TRPM3: variants seen among roughly 807,000 people sequenced by gnomAD.
The protein encoded by TRPM3 is transient receptor potential cation channel subfamily M member 3.
Under a neutral mutation model 181.2 loss-of-function variants are expected in TRPM3, and 77 were observed. The observed-to-expected ratio is 0.42, with a 90% CI of 0.35 to 0.51. TRPM3 has a LOEUF of 0.51. Among genes scored for constraint, TRPM3 ranks in the 20% least tolerant of loss-of-function variants. TRPM3 has a pLI of 0.01. For missense variants in TRPM3, 1,759 were observed against 2,196.7 expected (o/e 0.80, Z 3.98); for synonymous variants, 745 against 796.4 (o/e 0.94, Z 1.09).
intron 1 of TRPM3, among the ~76,000 whole-genome samples, chr9:71,339,071 G>A (rs1008961330): frequency 4.0e-5 from 6 of 151,892 alleles, no homozygotes; most frequent in Non-Finnish European, 7.4e-5. Context: ...TTCTTACAGA[G>A]TAAGACAAAA....
intron 1 of TRPM3, among the ~76,000 whole-genome samples, chr9:70,998,111 C>G (rs917365210): frequency 6.7e-6 from 1 of 148,510 alleles, no homozygotes; most frequent in Non-Finnish European, 1.5e-5. Context: ...ATATATAATG[C>G]TCTAATTGTT....
Position 70,535,649 on chromosome 9 carries a change from A to G in TRPM3, c.*304T>C, listed in dbSNP as rs1319584904. 1.0e-5 allele frequency: 15 copies of G among 1,444,774 alleles called. No homozygotes were observed. The highest frequency in any genetic ancestry group is 4.3e-5 in the African/African-American group (3 of 69,854). 89.5% of individuals were successfully genotyped at this position (1,444,774 alleles called of 1,614,324 possible). A position where few individuals can be genotyped will look rare whatever the true frequency, so the allele number is the denominator to read the frequency against. ...GAAGCCCCTTGTTTCCCCTGCTCTC[A>G]TGGCTTTCTGCTGTGACTGCGGATA... On this transcript the variant is annotated 3_prime_UTR_variant, in exon 26 of 26. Transcript: ENST00000677713.
chr9:70,667,174 C>A (rs551689294), intron 9 of TRPM3, among the ~76,000 whole-genome samples: 1 of 151,704 alleles, frequency 6.6e-6, no homozygotes, highest in South Asian at 2.1e-4. Flanking sequence ...GTTAACTGTT[C>A]ATATTTAAGA....
chr9:71,136,147 T>C (rs112885772), intron 1 of TRPM3, among the ~76,000 whole-genome samples: 238 of 152,334 alleles, frequency 1.6e-3, no homozygotes, highest in African/African-American at 5.4e-3. Context: ...CAAACTACTA[T>C]AGAAGACAGG....
At chr9:70,919,824 T>C (rs1274189868) in intron 1 of TRPM3, among the ~76,000 whole-genome samples, 1 of 151,970 alleles carries the variant, frequency 6.6e-6, no homozygotes, top group Non-Finnish European at 1.5e-5. Flanking sequence ...CATACTCCTA[T>C]GATATTTTGT....
chr9:71,148,448 G>T (rs2075554235), intron 1 of TRPM3, among the ~76,000 whole-genome samples: 1 of 152,086 alleles, frequency 6.6e-6, no homozygotes, highest in Non-Finnish European at 1.5e-5. Flanking sequence ...ATGTTGTTTT[G>T]AAATGCTTTG....
chr9:70,927,114 C>A (rs1241592530), intron 1 of TRPM3, among the ~76,000 whole-genome samples: 1 of 152,142 alleles, frequency 6.6e-6, no homozygotes, highest in Admixed American at 6.6e-5. Flanking sequence ...TATGTCACTA[C>A]CAACATACTG....
At chr9:70,908,617 A>G (rs939103251) in intron 1 of TRPM3, among the ~76,000 whole-genome samples, 1 of 152,240 alleles carries the variant, frequency 6.6e-6, no homozygotes. Flanking sequence ...GGCCTCCCCA[A>G]ATTCATCTAG....
chr9:71,117,611 C>T (rs1386933030), intron 1 of TRPM3, among the ~76,000 whole-genome samples: 1 of 151,944 alleles, frequency 6.6e-6, no homozygotes, highest in Non-Finnish European at 1.5e-5. Flanking sequence ...AGTAATTTGC[C>T]CAAGGTCACA....
intron 8 of TRPM3, among the ~76,000 whole-genome samples, chr9:70,693,764 C>G (rs926723814): frequency 3.9e-5 from 6 of 152,298 alleles, no homozygotes; most frequent in East Asian, 3.9e-4. Context: ...ACCTGCCCAC[C>G]AGGAGGTCAT....
Position 70,943,968 on chromosome 9 carries a change from C to T in TRPM3, c.178-79457G>A, listed in dbSNP as rs560325535. On this transcript the variant is annotated intron_variant, in intron 1 of 25. Coordinates refer to ENST00000677713, the MANE Select transcript of TRPM3 (RefSeq NM_001366145.2). ...CTAATTTTTGTATTTTTAGTAGAGA[C>T]GGGGTTTCACCATACTGGTAAGGCT... 2.2e-3 allele frequency among the ~76,000 whole-genome samples: 335 copies of T among 152,156 alleles called. 1 individual carries two copies. Among genetic ancestry groups the T allele is most frequent in the Non-Finnish European group, 2.7e-3 (183 of 67,986 alleles).
At chr9:71,440,967 C>G (rs1413492083) in intron 1 of TRPM3, among the ~76,000 whole-genome samples, 2 of 152,086 alleles carry the variant, frequency 1.3e-5, no homozygotes, top group Non-Finnish European at 2.9e-5. Flanking sequence ...GCAGGAGAAG[C>G]TGTTCTAATA....
intron 3 of TRPM3, among the ~76,000 whole-genome samples, chr9:70,850,370 CTTCA>C (rs913683385): frequency 3.3e-5 from 5 of 151,980 alleles, no homozygotes; most frequent in African/African-American, 1.2e-4. Context: ...TGTTAAAAAT[CTTCA>C]TTGAGAGTCT....
At chr9:71,009,789 TAAC>T in intron 1 of TRPM3, among the ~76,000 whole-genome samples, 1 of 152,176 alleles carries the variant, frequency 6.6e-6, no homozygotes, top group East Asian at 1.9e-4. Context: ...TGAACATAAT[TAAC>T]AAAGCGGGAG....
At chr9:70,749,927 C>T (rs1265251156) in intron 8 of TRPM3, among the ~76,000 whole-genome samples, 1 of 152,132 alleles carries the variant, frequency 6.6e-6, no homozygotes, top group Non-Finnish European at 1.5e-5. Context: ...TGAAATCTCT[C>T]TTCCTTTCTC....
At chr9:71,270,549 G>A (rs923485404) in intron 1 of TRPM3, among the ~76,000 whole-genome samples, 2 of 152,214 alleles carry the variant, frequency 1.3e-5, no homozygotes, top group Middle Eastern at 6.8e-3. Context: ...CATAGAAACT[G>A]CTGCTTCCTT....
intron 1 of TRPM3, among the ~76,000 whole-genome samples, chr9:71,142,252 T>C (rs942847733): frequency 6.6e-6 from 1 of 152,134 alleles, no homozygotes; most frequent in Non-Finnish European, 1.5e-5. Context: ...GCAGAGCATC[T>C]CCAAAACCGT....
intron 6 of TRPM3, among the ~76,000 whole-genome samples, chr9:70,807,591 G>A (rs1257647969): frequency 6.6e-6 from 1 of 152,084 alleles, no homozygotes; most frequent in African/African-American, 2.4e-5. Flanking sequence ...ATAATAACAA[G>A]TTATTGAGCA....
intron 1 of TRPM3, among the ~76,000 whole-genome samples, chr9:71,239,072 G>GA (rs570660302): frequency 4.5e-4 from 68 of 150,854 alleles, no homozygotes; most frequent in African/African-American, 1.6e-3. Context: ...CTTGAAGAAG[G>GA]AAAAAAACAA....
Sources: gnomAD v4.1 joint callset for allele counts (sites outside exome capture counted in the v4.1 genomes callset) on GRCh38, gnomAD v4.1.1 for gene constraint, MANE v1.5 for transcripts, NCBI Gene and HGNC (gene_info 2026-07-23, HGNC 2026-07-21) for gene names.